RRN3: variants seen among roughly 807,000 people sequenced by gnomAD.
RRN3 encodes the protein RNA polymerase I-specific transcription initiation factor RRN3.
RRN3 carries 38 observed loss-of-function variants against 82.3 expected under a neutral mutation model. That is an observed-to-expected ratio of 0.46 (90% CI 0.36 to 0.61). The LOEUF (loss-of-function observed/expected upper bound fraction) is 0.61. Ranked by LOEUF, RRN3 falls within the 20% of genes least tolerant of loss-of-function variation. The pLI, the probability that RRN3 is intolerant of heterozygous loss-of-function variation, is 0.00. For missense variants in RRN3, 726 were observed against 793.1 expected, an observed-to-expected ratio of 0.92 and a Z score of 1.02; for synonymous variants, 284 against 284.3, an observed-to-expected ratio of 1.00 and a Z score of 0.01.
rs2044707531 is a variant in RRN3 at position 15,061,470 on chromosome 16, C to G, written c.*274G>C. ...AAAAGCTGTTAACACAAAAAATGTA[C>G]ATATTAAACAAGCAAATCCTTCCAA... On this transcript the variant is annotated 3_prime_UTR_variant, in exon 18 of 18. Coordinates refer to ENST00000198767, the MANE Select transcript of RRN3 (RefSeq NM_018427.5). The G allele has an allele frequency of 1.3e-5, 5 of 375,366 alleles. No individual in the cohort carries two copies. The highest frequency in any genetic ancestry group is 2.4e-5 in the Non-Finnish European group (5 of 210,830). 23.3% of individuals were successfully genotyped at this position (375,366 alleles called of 1,614,324 possible). A position where few individuals can be genotyped will look rare whatever the true frequency, so the allele number is the denominator to read the frequency against.
chr16:15,090,641 T>C (rs1472845463), intron 3 of RRN3, among the ~76,000 whole-genome samples: 1 of 152,206 alleles, frequency 6.6e-6, no homozygotes, highest in Non-Finnish European at 1.5e-5. Flanking sequence ...ATTGTTTTCT[T>C]GGTTTCACAC....
chr16:15,060,441 C>A lies in RRN3; in HGVS notation c.*1303G>T, dbSNP rs1391972783. 2 of 156,540 alleles carry A rather than the reference C, an allele frequency of 1.3e-5. No individual in the cohort carries two copies. The highest frequency in any genetic ancestry group is 2.8e-5 in the Non-Finnish European group (2 of 70,540). 9.7% of individuals were successfully genotyped at this position (156,540 alleles called of 1,614,324 possible). A position where few individuals can be genotyped will look rare whatever the true frequency, so the allele number is the denominator to read the frequency against. On this transcript the variant is annotated 3_prime_UTR_variant, in exon 18 of 18. Coordinates refer to ENST00000198767, the MANE Select transcript of RRN3 (RefSeq NM_018427.5). ...ATCAATGTAATTATACAAGTGCATACAAAGCCCTGGAAAAGAGGAAGTATT... is the reference window on the plus strand; with the variant it reads ...ATCAATGTAATTATACAAGTGCATAAAAAGCCCTGGAAAAGAGGAAGTATT...
chr16:15,077,219 T>A (rs1164003130), intron 9 of RRN3, among the ~76,000 whole-genome samples: 15 of 152,034 alleles, frequency 9.9e-5, no homozygotes, highest in African/African-American at 3.6e-4. Flanking sequence ...CCTCAGGTGA[T>A]CCACCGGCCT....
At chr16:15,083,032 C>T (rs187160775) in intron 8 of RRN3, among the ~76,000 whole-genome samples, 1 of 152,190 alleles carries the variant, frequency 6.6e-6, no homozygotes, top group Non-Finnish European at 1.5e-5. Context: ...TCCCCAATAG[C>T]CGCTTTATAA....
chr16:15,093,677 G>A (rs1338717294), intron 1 of RRN3, among the ~76,000 whole-genome samples: 2 of 152,190 alleles, frequency 1.3e-5, no homozygotes, highest in African/African-American at 4.8e-5. Flanking sequence ...AGAGTGCTAC[G>A]GGGGTTAGGG....
chr16:15,074,434 A>C (rs1412129902), intron 11 of RRN3, among the ~76,000 whole-genome samples: 1 of 152,198 alleles, frequency 6.6e-6, no homozygotes, highest in African/African-American at 2.4e-5. Context: ...CAGTGCATTC[A>C]GCAACTTGAG....
chr16:15,087,263 T>C (rs1227495876), intron 3 of RRN3, among the ~76,000 whole-genome samples: 1 of 152,234 alleles, frequency 6.6e-6, no homozygotes, highest in East Asian at 1.9e-4. Flanking sequence ...GAATACACCA[T>C]ATGCCAGGCA....
intron 16 of RRN3, among the ~76,000 whole-genome samples, chr16:15,064,525 A>G (rs1244251645): frequency 6.6e-6 from 1 of 152,166 alleles, no homozygotes; most frequent in Non-Finnish European, 1.5e-5. Context: ...TGTGGTCTCT[A>G]GAGGAAGGAA....
intron 16 of RRN3, among the ~76,000 whole-genome samples, chr16:15,064,846 G>C (rs1262974212): frequency 1.3e-5 from 2 of 152,196 alleles, no homozygotes. Context: ...TCCCAATTTT[G>C]GGAAAAGCAA....
chr16:15,087,455 C>A (rs1178394320), intron 3 of RRN3, among the ~76,000 whole-genome samples: 1 of 152,228 alleles, frequency 6.6e-6, no homozygotes, highest in African/African-American at 2.4e-5. Flanking sequence ...AGGCTATCCT[C>A]TGTCCACCGT....
chr16:15,084,022 G>C (rs2045812079), intron 7 of RRN3, among the ~76,000 whole-genome samples: 1 of 152,042 alleles, frequency 6.6e-6, no homozygotes, highest in Non-Finnish European at 1.5e-5. Context: ...GGCCAGAACT[G>C]GAACTTACAA....
intron 16 of RRN3, among the ~76,000 whole-genome samples, chr16:15,064,930 G>A (rs1367383560): frequency 6.6e-6 from 1 of 152,186 alleles, no homozygotes; most frequent in Non-Finnish European, 1.5e-5. Context: ...ACTTTGGGAG[G>A]CCGAGGCGGG....
At chr16:15,072,517 G>T (rs1189774037) in intron 12 of RRN3, among the ~76,000 whole-genome samples, 9 of 152,120 alleles carry the variant, frequency 5.9e-5, no homozygotes, top group Non-Finnish European at 8.8e-5. Flanking sequence ...AGAAGGGAAC[G>T]TGGGCCAGGC....
At chr16:15,075,176 G>C (rs1445431419) in intron 10 of RRN3, among the ~76,000 whole-genome samples, 1 of 151,414 alleles carries the variant, frequency 6.6e-6, no homozygotes, top group African/African-American at 2.4e-5. Flanking sequence ...CTTGAACTGG[G>C]AGGTGGAGGA....
intron 7 of RRN3, among the ~76,000 whole-genome samples, chr16:15,084,229 A>G (rs2045824716): frequency 6.6e-6 from 1 of 152,184 alleles, no homozygotes; most frequent in South Asian, 2.1e-4. Flanking sequence ...TAAGTTAACA[A>G]ATAATCAACG....
intron 14 of RRN3, among the ~76,000 whole-genome samples, chr16:15,069,600 A>G (rs1367973022): frequency 2.6e-5 from 4 of 152,206 alleles, no homozygotes; most frequent in Non-Finnish European, 4.4e-5. Flanking sequence ...AGGGTCAGCC[A>G]AACCTGGCTT....
intron 8 of RRN3, among the ~76,000 whole-genome samples, chr16:15,081,186 C>G (rs185885841): frequency 1.3e-5 from 2 of 152,298 alleles, no homozygotes; most frequent in South Asian, 2.1e-4. Flanking sequence ...CATCCATGTA[C>G]AAGTTTTTCT....
intron 11 of RRN3, among the ~76,000 whole-genome samples, chr16:15,073,811 G>C (rs1187770608): frequency 6.6e-6 from 1 of 152,068 alleles, no homozygotes; most frequent in African/African-American, 2.4e-5. Context: ...TAGAGATGGG[G>C]TCTTGTTATG....
At chr16:15,079,750 G>A (rs927790967) in intron 9 of RRN3, among the ~76,000 whole-genome samples, 3 of 152,138 alleles carry the variant, frequency 2.0e-5, no homozygotes, top group Non-Finnish European at 4.4e-5. Flanking sequence ...CCACCATCAT[G>A]CCTGGCTAAT....
Sources: allele counts gnomAD v4.1 joint callset (sites outside exome capture counted in the v4.1 genomes callset), GRCh38; gene constraint gnomAD v4.1.1; transcripts MANE v1.5; gene names NCBI Gene and HGNC (gene_info 2026-07-23, HGNC 2026-07-21).